The following ROBO2 variants were observed in gnomAD, a reference collection of about 807,000 sequenced individuals.
ROBO2 encodes roundabout guidance receptor 2, also known as roundabout homolog 2.
In ROBO2, 53 loss-of-function variants were observed where a neutral mutation model predicts 160.8. The ratio of observed to expected loss-of-function variants is 0.33; its 90% CI spans 0.26 to 0.41. ROBO2 has a LOEUF of 0.41. Among genes scored for constraint, ROBO2 ranks in the 10% least tolerant of loss-of-function variants. The pLI is 1.00. For missense variants in ROBO2, 1,577 were observed against 1,722.4 expected (o/e 0.92, Z 1.49); for synonymous variants, 664 against 611.7 (o/e 1.09, Z -1.26).
chr3:76,008,681 G>GT (rs1051290765), intron 2 of ROBO2, among the ~76,000 whole-genome samples: 3 of 152,038 alleles, frequency 2.0e-5, no homozygotes, highest in African/African-American at 7.2e-5. Context: ...AATACCTATT[G>GT]TAAGAAGTTA....
At chr3:76,036,954 G>C (rs1451940733) in intron 2 of ROBO2, among the ~76,000 whole-genome samples, 1 of 151,962 alleles carries the variant, frequency 6.6e-6, no homozygotes, top group African/African-American at 2.4e-5. Context: ...ACCCATGCTT[G>C]TTTTTCAGTG....
At chr3:76,080,431 T>G (rs2068787595) in intron 2 of ROBO2, among the ~76,000 whole-genome samples, 1 of 152,210 alleles carries the variant, frequency 6.6e-6, no homozygotes, top group South Asian at 2.1e-4. Flanking sequence ...GGAGCCTGGA[T>G]TATGTTGTAA....
intron 2 of ROBO2, among the ~76,000 whole-genome samples, chr3:76,014,970 A>C (rs138945580): frequency 2.0e-5 from 3 of 152,312 alleles, no homozygotes; most frequent in African/African-American, 7.2e-5. Flanking sequence ...CATAAAAAAT[A>C]AAGGCAAAAA....
chr3:77,490,447 C>T (rs1582410689), intron 4 of ROBO2, among the ~76,000 whole-genome samples: 1 of 152,066 alleles, frequency 6.6e-6, no homozygotes, highest in Non-Finnish European at 1.5e-5. Flanking sequence ...ATCTTCATCA[C>T]GTTTAAAAAG....
intron 2 of ROBO2, among the ~76,000 whole-genome samples, chr3:76,522,728 C>T (rs563977386): frequency 6.6e-6 from 1 of 152,072 alleles, no homozygotes; most frequent in Non-Finnish European, 1.5e-5. Flanking sequence ...ATTCACTATA[C>T]TACTTATTAG....
chr3:76,548,784 C>T (rs929906215), intron 2 of ROBO2, among the ~76,000 whole-genome samples: 5 of 151,788 alleles, frequency 3.3e-5, no homozygotes, highest in Admixed American at 1.3e-4. Flanking sequence ...GAAAGAGGGA[C>T]GCTAATGACA....
At chr3:75,957,160 T>C (rs1948747922) in intron 2 of ROBO2, among the ~76,000 whole-genome samples, 1 of 151,578 alleles carries the variant, frequency 6.6e-6, no homozygotes, top group Admixed American at 6.6e-5. Context: ...TGTTTTTTAC[T>C]GAAATATTTT....
chr3:77,040,345 C>T, exon 1 of ROBO2: 1 of 999,648 alleles, frequency 1.0e-6, no homozygotes, highest in Non-Finnish European at 1.2e-6. Flanking sequence ...AACCAGTAGG[C>T]AGGCCAATGG....
intron 2 of ROBO2, among the ~76,000 whole-genome samples, chr3:76,318,141 G>T (rs2072198550): frequency 6.6e-6 from 1 of 151,924 alleles, no homozygotes; most frequent in East Asian, 1.9e-4. Context: ...AAAGAGTTTT[G>T]ATGTATTCTT....
chr3:77,413,759 G>A (rs983070850), intron 2 of ROBO2, among the ~76,000 whole-genome samples: 2 of 152,202 alleles, frequency 1.3e-5, no homozygotes, highest in African/African-American at 2.4e-5. Flanking sequence ...ACTCCACTTT[G>A]TTGGCCTAAC....
chr3:76,738,756 A>T (rs1289334294), intron 2 of ROBO2, among the ~76,000 whole-genome samples: 2 of 152,182 alleles, frequency 1.3e-5, no homozygotes, highest in Non-Finnish European at 2.9e-5. Context: ...GTTTTCTGTG[A>T]AGGAAAAGAA....
chr3:76,539,357 A>G (rs922128240), intron 2 of ROBO2, among the ~76,000 whole-genome samples: 2 of 148,326 alleles, frequency 1.3e-5, no homozygotes, highest in Non-Finnish European at 3.0e-5. Context: ...AACTTTAAGT[A>G]AAATTAAAAA....
At chr3:75,994,642 A>G (rs1404031834) in intron 2 of ROBO2, among the ~76,000 whole-genome samples, 7 of 152,224 alleles carry the variant, frequency 4.6e-5, no homozygotes, top group African/African-American at 1.7e-4. Context: ...AGTGTCAGGT[A>G]TTTCCTTATA....
At chr3:75,953,015 C>T (rs1948604947) in intron 2 of ROBO2, among the ~76,000 whole-genome samples, 1 of 151,864 alleles carries the variant, frequency 6.6e-6, no homozygotes, top group African/African-American at 2.4e-5. Context: ...TTTATTTTTC[C>T]ATTCACTTCC....
intron 5 of ROBO2, among the ~76,000 whole-genome samples, chr3:77,522,279 AC>A (rs920332617): frequency 1.3e-4 from 19 of 151,354 alleles, no homozygotes; most frequent in African/African-American, 3.9e-4. Context: ...TTGATTACAT[AC>A]CCTTAATTCT....
intron 2 of ROBO2, among the ~76,000 whole-genome samples, chr3:75,946,177 T>C (rs1182714057): frequency 6.6e-6 from 1 of 151,814 alleles, no homozygotes; most frequent in Non-Finnish European, 1.5e-5. Context: ...CATAATATCA[T>C]GAAAAGAGAA....
chr3:76,674,369 G>C (rs1385445149), intron 2 of ROBO2, among the ~76,000 whole-genome samples: 1 of 151,894 alleles, frequency 6.6e-6, no homozygotes, highest in Non-Finnish European at 1.5e-5. Context: ...GTGGGAAAAC[G>C]TGTAGTGCTG....
chr3:76,450,044 A>T (rs931058421), intron 2 of ROBO2, among the ~76,000 whole-genome samples: 1 of 152,160 alleles, frequency 6.6e-6, no homozygotes, highest in Admixed American at 6.6e-5. Flanking sequence ...CATCAAGAAC[A>T]TTGTTTCTAT....
intron 2 of ROBO2, among the ~76,000 whole-genome samples, chr3:76,589,989 A>G (rs766523032): frequency 2.0e-5 from 3 of 152,182 alleles, no homozygotes; most frequent in Non-Finnish European, 4.4e-5. Context: ...AATTAAATGT[A>G]TGTTCCGGAT....
Sources: allele counts gnomAD v4.1 joint callset (sites outside exome capture counted in the v4.1 genomes callset), GRCh38; gene constraint gnomAD v4.1.1; transcripts MANE v1.5; gene names NCBI Gene and HGNC (gene_info 2026-07-23, HGNC 2026-07-21).